DIP2B: variants seen among roughly 807,000 people sequenced by gnomAD.
The protein encoded by DIP2B is DIP2 acetate--CoA ligase B (putative), also known as disco-interacting protein 2 homolog B.
A neutral mutation model predicts 198.0 loss-of-function variants in DIP2B; 76 were observed. That is an observed-to-expected ratio of 0.38 (90% CI 0.32 to 0.46). DIP2B has a LOEUF of 0.46. Among genes scored for constraint, DIP2B ranks in the 20% least tolerant of loss-of-function variants. The pLI is 0.99. For missense variants in DIP2B, 1,559 were observed against 1,978.4 expected, an observed-to-expected ratio of 0.79 and a Z score of 4.02; for synonymous variants, 701 against 739.1, an observed-to-expected ratio of 0.95 and a Z score of 0.84.
intron 2 of DIP2B, among the ~76,000 whole-genome samples, chr12:50,634,942 T>C (rs960478597): frequency 6.6e-6 from 1 of 152,176 alleles, no homozygotes. Flanking sequence ...TATAGAGTGG[T>C]CTCTTGTAGA....
intron 1 of DIP2B, among the ~76,000 whole-genome samples, chr12:50,549,446 C>T (rs1046572097): frequency 6.6e-6 from 1 of 152,008 alleles, no homozygotes; most frequent in South Asian, 2.1e-4. Context: ...AGGAGAATGG[C>T]GTGAACCTGG....
At chr12:50,628,064 TG>T (rs1286012962) in intron 2 of DIP2B, among the ~76,000 whole-genome samples, 22 of 152,134 alleles carry the variant, frequency 1.4e-4, no homozygotes, top group African/African-American at 4.8e-4. Context: ...ACACAGTATC[TG>T]TAGAGAACTT....
At chr12:50,724,358 G>T (rs1199201162) in intron 27 of DIP2B, among the ~76,000 whole-genome samples, 1 of 152,180 alleles carries the variant, frequency 6.6e-6, no homozygotes, top group African/African-American at 2.4e-5. Flanking sequence ...TATGGGCTAG[G>T]TGTAGTAAGT....
chr12:50,747,795 C>CCT lies in DIP2B; in HGVS notation c.*2959_*2960dup, dbSNP rs1176595855. On this transcript the variant is annotated 3_prime_UTR_variant, in exon 38 of 38. Transcript: ENST00000301180. ...ATCTATTGGTCTGAAGGTTTCTGAA[C>CCT]CTCTTTCTGGTTCTCAGCAGAAGTA... The CCT allele has an allele frequency of 1.8e-4, 28 of 152,318 alleles. No homozygotes were observed. Among genetic ancestry groups the CCT allele is most frequent in the African/African-American group, 6.5e-4 (27 of 41,554 alleles). 9.4% of individuals were successfully genotyped at this position (152,318 alleles called of 1,614,324 possible). A position where few individuals can be genotyped will look rare whatever the true frequency, so the allele number is the denominator to read the frequency against.
chr12:50,691,739 A>C (rs1161384136), intron 13 of DIP2B, among the ~76,000 whole-genome samples: 1 of 149,280 alleles, frequency 6.7e-6, no homozygotes, highest in Non-Finnish European at 1.5e-5. Flanking sequence ...GGAAGCAATC[A>C]AAATGCCCTT....
chr12:50,690,000 T>C (rs956069181), intron 12 of DIP2B, among the ~76,000 whole-genome samples: 5 of 152,196 alleles, frequency 3.3e-5, no homozygotes, highest in African/African-American at 1.2e-4. Context: ...TAGTTAATTA[T>C]CTCAGTTGAC....
At chr12:50,741,372 CAGTAT>C in intron 36 of DIP2B, 39 bp from the exon 37 acceptor site, 1 of 1,598,748 alleles carries the variant, frequency 6.3e-7, no homozygotes, top group Admixed American at 1.7e-5. Context: ...ATGTTGCACT[CAGTAT>C]ATGTCCAAGC....
intron 1 of DIP2B, among the ~76,000 whole-genome samples, chr12:50,540,370 A>G (rs903653849): frequency 6.9e-4 from 104 of 151,540 alleles, no homozygotes; most frequent in Admixed American, 5.3e-4. Flanking sequence ...TGGCCTCCCA[A>G]AGTGCTGGGA....
chr12:50,584,854 G>A (rs866921131), intron 1 of DIP2B, among the ~76,000 whole-genome samples: 4 of 152,116 alleles, frequency 2.6e-5, no homozygotes, highest in South Asian at 2.1e-4. Context: ...GTGAACCACC[G>A]CGCCTGGCCA....
intron 37 of DIP2B, among the ~76,000 whole-genome samples, chr12:50,741,960 T>C (rs942495926): frequency 6.6e-6 from 1 of 152,228 alleles, no homozygotes; most frequent in African/African-American, 2.4e-5. Context: ...GAGAATGTGC[T>C]TTGTAAACTA....
At chr12:50,717,067 C>A (rs1400939932) in intron 23 of DIP2B, among the ~76,000 whole-genome samples, 4 of 142,340 alleles carry the variant, frequency 2.8e-5, no homozygotes, top group Non-Finnish European at 6.1e-5. Context: ...GATCCAACCA[C>A]TTGAGTACCT....
chr12:50,587,988 G>A (rs1388614325), intron 1 of DIP2B, among the ~76,000 whole-genome samples: 1 of 152,068 alleles, frequency 6.6e-6, no homozygotes, highest in Non-Finnish European at 1.5e-5. Flanking sequence ...AAAATATATA[G>A]GCTTAGGATT....
At chr12:50,632,478 CAAAAAAAAA>C (rs756895459) in intron 2 of DIP2B, among the ~76,000 whole-genome samples, 5 of 74,630 alleles carry the variant, frequency 6.7e-5, no homozygotes, top group Non-Finnish European at 1.0e-4. Context: ...GACTCTGTCT[CAAAAAAAAA>C]AAAAAAAAAG....
Position 50,691,086 on chromosome 12 carries a change from C to G in DIP2B, c.1589C>G (p.Thr530Arg). 2 of 1,614,030 alleles carry G rather than the reference C, an allele frequency of 1.2e-6. No homozygotes were observed. The highest frequency in any genetic ancestry group is 1.7e-6 in the Non-Finnish European group (2 of 1,180,002). ...TSKEGSVMGV[T>R]VSRLAMLSHC... Reference sequence around the variant, plus strand: ...AAAGAAGGGAGTGTAATGGGAGTTACAGTATCCCGGCTTGCAATGTTGTCT... The same window carrying G: ...AAAGAAGGGAGTGTAATGGGAGTTAGAGTATCCCGGCTTGCAATGTTGTCT... The change falls in exon 13 of 38, where the codon ACA becomes AGA. Residue 530 changes from threonine (T) to arginine (R), a missense_variant. By Grantham distance (71) the Thr-to-Arg change is moderately conservative. Coordinates refer to ENST00000301180, the MANE Select transcript of DIP2B (RefSeq NM_173602.3).
chr12:50,692,659 G>A (rs1939241684), intron 13 of DIP2B, among the ~76,000 whole-genome samples: 3 of 152,052 alleles, frequency 2.0e-5, no homozygotes, highest in Non-Finnish European at 2.9e-5. Flanking sequence ...CCAACCTGGT[G>A]AAACTCCCTC....
chr12:50,728,922 C>T (rs748049383), intron 30 of DIP2B, among the ~76,000 whole-genome samples: 13 of 152,254 alleles, frequency 8.5e-5, no homozygotes, highest in Non-Finnish European at 1.3e-4. Context: ...TACTTGCTCT[C>T]TGCTCCACCA....
At chr12:50,686,821 G>C in intron 12 of DIP2B, 139 bp downstream of exon 12, 1 of 740,528 alleles carries the variant, frequency 1.4e-6, no homozygotes, top group African/African-American at 1.8e-5. Context: ...CTTTTGGCTT[G>C]TAAAATGCCT....
intron 1 of DIP2B, among the ~76,000 whole-genome samples, chr12:50,585,012 A>G (rs2139423421): frequency 6.6e-6 from 1 of 152,102 alleles, no homozygotes; most frequent in East Asian, 1.9e-4. Flanking sequence ...CTGTGGCTAT[A>G]CTTGTCCTCT....
chr12:50,696,607 T>A (rs1235168478), intron 16 of DIP2B, among the ~76,000 whole-genome samples: 1 of 152,212 alleles, frequency 6.6e-6, no homozygotes, highest in Non-Finnish European at 1.5e-5. Context: ...CTGTTTGTCA[T>A]AAATGGACTT....
Sources: allele counts gnomAD v4.1 joint callset (sites outside exome capture counted in the v4.1 genomes callset), GRCh38; gene constraint gnomAD v4.1.1; transcripts MANE v1.5; gene names NCBI Gene and HGNC (gene_info 2026-07-23, HGNC 2026-07-21).